Variants in BFSP2 observed in about 807,000 individuals in gnomAD.
The protein encoded by BFSP2 is beaded filament structural protein 2.
A neutral mutation model predicts 44.9 loss-of-function variants in BFSP2; 38 were observed. That is an observed-to-expected ratio of 0.85 (90% CI 0.65 to 1.11). The LOEUF (loss-of-function observed/expected upper bound fraction) is 1.11. Ranked by LOEUF, BFSP2 falls within the 50% of genes least tolerant of loss-of-function variation. BFSP2 has a pLI of 0.00. For synonymous variants in BFSP2, 197 were observed against 209.9 expected (o/e 0.94, Z 0.53); for missense variants, 525 against 533.0 (o/e 0.99, Z 0.15).
At chr3:133,448,392 C>G in intron 2 of BFSP2, 97 bp from the exon 3 acceptor site, 3 of 1,422,146 alleles carry the variant, frequency 2.1e-6, no homozygotes, top group Non-Finnish European at 3.0e-6. Flanking sequence ...CATTCATTGT[C>G]TAACTATCAC....
chr3:133,411,015 G>A (rs1191273358), intron 1 of BFSP2, among the ~76,000 whole-genome samples: 2 of 152,212 alleles, frequency 1.3e-5, no homozygotes, highest in Non-Finnish European at 2.9e-5. Flanking sequence ...ATAGAGACCT[G>A]TTAGCTCCCC....
intron 1 of BFSP2, chr3:133,405,018 G>A (rs1379330262): frequency 6.6e-6 from 1 of 152,248 alleles, no homozygotes; most frequent in East Asian, 1.9e-4. Flanking sequence ...GGCTCTGATG[G>A]CAACATCAGG....
rs2073350317 is a variant in BFSP2 at position 133,400,220 on chromosome 3, C to T, written c.137C>T (p.Ala46Val). Residue 46 changes from alanine (A) to valine (V), a missense_variant, in exon 1 of 7, where the codon GCC becomes GTC. By Grantham distance (64) the Ala-to-Val change is moderately conservative (BLOSUM62 0). Transcript: ENST00000302334. The surrounding 1 kb of genome is among the most constrained non-coding windows in gnomAD (Gnocchi z 4.0). ...LESPPASRTNAMSGLVRAPGV... is the reference protein window; with the variant it reads ...LESPPASRTNVMSGLVRAPGV... ...AGCCCCCCAGCCTCCAGGACCAATG[C>T]CATGAGTGGCCTTGTCCGAGCACCC... 2.5e-6 allele frequency: 4 copies of T among 1,613,912 alleles called. No individual in the cohort carries two copies. The highest frequency in any genetic ancestry group is 1.6e-4 in the Middle Eastern group (1 of 6,082).
intron 1 of BFSP2, among the ~76,000 whole-genome samples, chr3:133,430,602 ATTC>A (rs1296151727): frequency 6.6e-6 from 1 of 152,140 alleles, no homozygotes; most frequent in Non-Finnish European, 1.5e-5. Context: ...GATCTAAATA[ATTC>A]TTGTCATAAA....
rs187200351 is a variant in BFSP2, at chr3:133,464,758, A to G, written c.892-2070A>G. The stretch of plus-strand genomic sequence containing the variant: ...CCACAGGAGGGAGTCATTATATGAT[A>G]ATGAGTATTATTCTCCATTCATTGT... On this transcript the variant is annotated intron_variant, in intron 4 of 6. Coordinates refer to ENST00000302334, the MANE Select transcript of BFSP2 (RefSeq NM_003571.4). Among the ~76,000 whole-genome samples the G allele has an allele frequency of 2.5e-4, 38 of 152,278 alleles. No individual in the cohort carries two copies. The East Asian group carries it at 7.1e-3, about 29-fold the overall frequency.
At chr3:133,462,547 A>G (rs1387278640) in intron 4 of BFSP2, among the ~76,000 whole-genome samples, 1 of 152,212 alleles carries the variant, frequency 6.6e-6, no homozygotes, top group African/African-American at 2.4e-5. Flanking sequence ...GCTTTTCCGT[A>G]TGGAGTGATG....
intron 1 of BFSP2, among the ~76,000 whole-genome samples, chr3:133,439,955 C>T (rs1008442330): frequency 1.3e-5 from 2 of 152,016 alleles, no homozygotes; most frequent in Non-Finnish European, 2.9e-5. Context: ...AAAGCAATGT[C>T]ACAGAGGGAG....
chr3:133,401,740 C>T (rs1363381509), intron 1 of BFSP2, among the ~76,000 whole-genome samples: 1 of 152,196 alleles, frequency 6.6e-6, no homozygotes, highest in Non-Finnish European at 1.5e-5. Flanking sequence ...CCAACTCAGA[C>T]CCTTGGCCCC....
intron 1 of BFSP2, among the ~76,000 whole-genome samples, chr3:133,427,304 G>A (rs1000690240): frequency 5.9e-5 from 9 of 152,174 alleles, no homozygotes; most frequent in African/African-American, 1.4e-4. Context: ...CATGTTCTCC[G>A]TAGCTGTATC....
At chr3:133,458,697 A>G (rs1255992486) in intron 4 of BFSP2, among the ~76,000 whole-genome samples, 1 of 152,158 alleles carries the variant, frequency 6.6e-6, no homozygotes, top group East Asian at 1.9e-4. Context: ...CTTTGTCTCA[A>G]AAAAACAAAC....
intron 1 of BFSP2, among the ~76,000 whole-genome samples, chr3:133,435,061 C>T (rs1343377593): frequency 2.6e-5 from 4 of 152,082 alleles, no homozygotes; most frequent in African/African-American, 9.7e-5. Flanking sequence ...AAAATGAGTG[C>T]CCTTTAAAGA....
At chr3:133,470,730 G>A (rs1285107781) in intron 5 of BFSP2, among the ~76,000 whole-genome samples, 2 of 152,156 alleles carry the variant, frequency 1.3e-5, no homozygotes, top group African/African-American at 4.8e-5. Context: ...TTGTGTGCTG[G>A]GACTACAGAG....
At chr3:133,423,269 G>T (rs2073610661) in intron 1 of BFSP2, among the ~76,000 whole-genome samples, 2 of 152,114 alleles carry the variant, frequency 1.3e-5, no homozygotes, top group Non-Finnish European at 2.9e-5. Flanking sequence ...TTCAAACTCT[G>T]GTTTTGCCAT....
At chr3:133,455,598 TC>T (rs2107931291) in intron 4 of BFSP2, 1 of 152,320 alleles carries the variant, frequency 6.6e-6, no homozygotes, top group Admixed American at 6.5e-5. Flanking sequence ...AATCTCTTCA[TC>T]CTTGTCATCT....
intron 1 of BFSP2, among the ~76,000 whole-genome samples, chr3:133,439,958 A>G (rs2073828151): frequency 6.6e-6 from 1 of 152,218 alleles, no homozygotes; most frequent in Admixed American, 6.5e-5. Flanking sequence ...GCAATGTCAC[A>G]GAGGGAGTAT....
At chr3:133,420,730 C>T (rs114016577) in intron 1 of BFSP2, among the ~76,000 whole-genome samples, 1,839 of 152,278 alleles carry the variant, frequency 0.012, 36 homozygotes, top group African/African-American at 0.041. Context: ...TCCTGTGCAG[C>T]CCCTGTGAGG....
chr3:133,421,431 C>A (rs1325175024), intron 1 of BFSP2, among the ~76,000 whole-genome samples: 4 of 152,206 alleles, frequency 2.6e-5, no homozygotes, highest in African/African-American at 9.6e-5. Flanking sequence ...CAATCCTTGG[C>A]CTTCCTTGGC....
chr3:133,454,359 T>C lies in BFSP2; in HGVS notation c.891+3895T>C, dbSNP rs73863548. ...TTTAAAAAATCCTTTTTGTCCCCTA[T>C]GCTCTTACAAAATGCTTCTGACACC... On this transcript the variant is annotated intron_variant, in intron 4 of 6. Transcript: ENST00000302334. Among the ~76,000 whole-genome samples, 971 of 152,278 alleles carry C rather than the reference T, an allele frequency of 6.4e-3. 13 individuals carry two copies. Among genetic ancestry groups the C allele is most frequent in the African/African-American group, 0.022 (924 of 41,544 alleles).
chr3:133,421,879 C>T (rs530008212), intron 1 of BFSP2, among the ~76,000 whole-genome samples: 5 of 152,206 alleles, frequency 3.3e-5, no homozygotes, highest in Middle Eastern at 6.8e-3. Flanking sequence ...GAGGCCAAGG[C>T]GGGTGGATCA....
Sources: allele counts gnomAD v4.1 joint callset (sites outside exome capture counted in the v4.1 genomes callset), GRCh38; gene constraint gnomAD v4.1.1; non-coding constraint Gnocchi (gnomAD v3.1); transcripts MANE v1.5; gene names NCBI Gene and HGNC (gene_info 2026-07-23, HGNC 2026-07-21).